GRIK1: variants seen among roughly 807,000 people sequenced by gnomAD.
GRIK1 encodes glutamate receptor ionotropic, kainate 1.
Under a neutral mutation model 105.7 loss-of-function variants are expected in GRIK1, and 69 were observed. That is an observed-to-expected ratio of 0.65 (90% CI 0.54 to 0.80). The LOEUF (loss-of-function observed/expected upper bound fraction) is 0.80. Ranked by LOEUF, GRIK1 falls within the 30% of genes least tolerant of loss-of-function variation. GRIK1 has a pLI of 0.00. For missense variants in GRIK1, 1,109 were observed against 1,167.3 expected, an observed-to-expected ratio of 0.95 and a Z score of 0.73; for synonymous variants, 438 against 431.3, an observed-to-expected ratio of 1.02 and a Z score of -0.19.
chr21:29,544,714 T>A (rs1012611432), intron 16 of GRIK1, among the ~76,000 whole-genome samples: 11 of 152,230 alleles, frequency 7.2e-5, no homozygotes, highest in Admixed American at 6.5e-5. Context: ...AGGCAGGTAC[T>A]TTGAATTGTA....
intron 7 of GRIK1, among the ~76,000 whole-genome samples, chr21:29,624,767 A>G (rs2062084464): frequency 6.6e-6 from 1 of 152,272 alleles, no homozygotes; most frequent in Non-Finnish European, 1.5e-5. Flanking sequence ...GTAGATGACT[A>G]AAGCCCAGGC....
At chr21:29,830,357 ACACACT>A (rs370147877) in intron 1 of GRIK1, among the ~76,000 whole-genome samples, 2,043 of 63,796 alleles carry the variant, frequency 0.032, 41 homozygotes, top group East Asian at 0.23. Context: ...ACACACACAC[ACACACT>A]CACACACATA....
chr21:29,585,925 G>A (rs2091121138), intron 12 of GRIK1, among the ~76,000 whole-genome samples: 1 of 152,072 alleles, frequency 6.6e-6, no homozygotes, highest in South Asian at 2.1e-4. Flanking sequence ...TTCTTTTGGG[G>A]GGTACCTGTC....
intron 4 of GRIK1, among the ~76,000 whole-genome samples, chr21:29,666,763 C>T (rs533159356): frequency 2.0e-4 from 30 of 152,320 alleles, no homozygotes; most frequent in African/African-American, 5.5e-4. Context: ...GAAACACCTT[C>T]GTTCAAGAAG....
chr21:29,892,166 G>T (rs1015779597), intron 1 of GRIK1, among the ~76,000 whole-genome samples: 6 of 152,184 alleles, frequency 3.9e-5, no homozygotes, highest in African/African-American at 1.2e-4. Flanking sequence ...TGTAAGATGT[G>T]TGTCCTGTAT....
intron 1 of GRIK1, among the ~76,000 whole-genome samples, chr21:29,754,201 G>T (rs952934068): frequency 2.0e-5 from 3 of 152,134 alleles, no homozygotes; most frequent in Middle Eastern, 3.2e-3. Context: ...TGCAGTTAGT[G>T]AACTTGGATT....
At chr21:29,908,744 G>C (rs1490901354) in intron 1 of GRIK1, among the ~76,000 whole-genome samples, 1 of 152,146 alleles carries the variant, frequency 6.6e-6, no homozygotes, top group Non-Finnish European at 1.5e-5. Context: ...TTATTTAATA[G>C]AGATAAACAA....
chr21:29,658,322 G>A (rs7280582), intron 4 of GRIK1, among the ~76,000 whole-genome samples: 6,160 of 152,134 alleles, frequency 0.04, 307 homozygotes, highest in East Asian at 0.15. Flanking sequence ...TAGCGCACTG[G>A]TACAATCTCG....
At chr21:29,659,926 C>T (rs2062930038) in intron 4 of GRIK1, among the ~76,000 whole-genome samples, 1 of 152,124 alleles carries the variant, frequency 6.6e-6, no homozygotes, top group African/African-American at 2.4e-5. Context: ...CAGGCCATTG[C>T]ACTCCAGCCT....
At chr21:29,935,858 A>G (rs2071729169) in intron 1 of GRIK1, among the ~76,000 whole-genome samples, 1 of 152,230 alleles carries the variant, frequency 6.6e-6, no homozygotes, top group Non-Finnish European at 1.5e-5. Flanking sequence ...GCTTAAAGAT[A>G]TTAAAGGTCT....
intron 1 of GRIK1, among the ~76,000 whole-genome samples, chr21:29,730,441 A>G (rs1257473971): frequency 6.6e-6 from 1 of 152,224 alleles, no homozygotes. Context: ...AATATTCTGA[A>G]GAATAGTTTT....
intron 4 of GRIK1, among the ~76,000 whole-genome samples, chr21:29,661,230 A>G (rs958166057): frequency 6.6e-6 from 1 of 152,246 alleles, no homozygotes; most frequent in African/African-American, 2.4e-5. Flanking sequence ...AAAAATCCTG[A>G]TATACAGAAA....
intron 1 of GRIK1, among the ~76,000 whole-genome samples, chr21:29,716,360 C>G (rs2064177174): frequency 2.0e-5 from 3 of 152,120 alleles, no homozygotes; most frequent in African/African-American, 7.2e-5. Context: ...GAGAATGGAA[C>G]AGTGTGGAGG....
chr21:29,643,080 C>T lies in GRIK1; in HGVS notation c.955-111G>A, dbSNP rs1056225705. On this transcript the variant is annotated intron_variant, in intron 6 of 17. Coordinates refer to ENST00000327783, the MANE Select transcript of GRIK1 (RefSeq NM_001330994.2). Reference sequence around the variant, plus strand: ...GCTCTTATCTGTCTGATCTCAAAGGCCATTTACTCTTCAGCTAGGTAGTTT... The same window carrying T: ...GCTCTTATCTGTCTGATCTCAAAGGTCATTTACTCTTCAGCTAGGTAGTTT... 2.9e-6 allele frequency: 3 copies of T among 1,022,210 alleles called. No individual in the cohort carries two copies. In the African/African-American group the frequency reaches 4.8e-5, roughly 16 times the overall value. The allele number at this position is 1,022,210 out of a possible 1,614,324, so 63.3% of individuals were successfully genotyped here.
intron 1 of GRIK1, among the ~76,000 whole-genome samples, chr21:29,927,963 C>T (rs575499048): frequency 2.0e-5 from 3 of 152,006 alleles, no homozygotes; most frequent in Admixed American, 6.6e-5. Context: ...CATATATATA[C>T]GACATAGAGA....
At chr21:29,779,122 A>T (rs462079) in intron 1 of GRIK1, among the ~76,000 whole-genome samples, 1 of 152,050 alleles carries the variant, frequency 6.6e-6, no homozygotes, top group African/African-American at 2.4e-5. Flanking sequence ...CTGAAAAGAA[A>T]CAGAAATGTT....
At chr21:29,632,515 A>G (rs1406040280) in intron 7 of GRIK1, among the ~76,000 whole-genome samples, 1 of 42,980 alleles carries the variant, frequency 2.3e-5, no homozygotes, top group Non-Finnish European at 4.0e-5. Flanking sequence ...ACACAAATAC[A>G]CACACACACA....
At chr21:29,578,754 G>A (rs1257653584) in intron 13 of GRIK1, among the ~76,000 whole-genome samples, 3 of 152,078 alleles carry the variant, frequency 2.0e-5, no homozygotes, top group Admixed American at 6.6e-5. Context: ...GGATTTATAT[G>A]CCTGTGGGTG....
chr21:29,904,706 G>T (rs1187381991), intron 1 of GRIK1, among the ~76,000 whole-genome samples: 2 of 152,204 alleles, frequency 1.3e-5, no homozygotes, highest in South Asian at 2.1e-4. Context: ...TGAACTCCCC[G>T]GAAGCATGTG....
Sources: allele counts gnomAD v4.1 joint callset (sites outside exome capture counted in the v4.1 genomes callset), GRCh38; gene constraint gnomAD v4.1.1; transcripts MANE v1.5; gene names NCBI Gene and HGNC (gene_info 2026-07-23, HGNC 2026-07-21).